CTNNA2: variants seen among roughly 807,000 people sequenced by gnomAD.
CTNNA2 encodes the protein catenin alpha 2, also known as catenin alpha-2.
In CTNNA2, 42 loss-of-function variants were observed where a neutral mutation model predicts 101.0. That is an observed-to-expected ratio of 0.42 (90% confidence interval 0.32 to 0.54). The LOEUF (loss-of-function observed/expected upper bound fraction) is 0.54. Ranked by LOEUF, CTNNA2 falls within the 20% of genes least tolerant of loss-of-function variation. The probability of loss-of-function intolerance (pLI) is 0.14; values close to 1 mark genes in which losing one functional copy is unlikely to be tolerated. For missense variants in CTNNA2, 871 were observed against 1,223.1 expected (o/e 0.71, Z 4.29); for synonymous variants, 450 against 456.4 (o/e 0.99, Z 0.18).
At position 80,007,846 on chromosome 2, in the gene CTNNA2, G is replaced by T. The variant is rs547209879; in HGVS notation, c.1056+98049G>T. Among the ~76,000 whole-genome samples, 3 of 152,188 alleles carry T rather than the reference G, an allele frequency of 2.0e-5. No homozygotes were observed. In the South Asian group the frequency reaches 6.2e-4, roughly 32 times the overall value. ...TTGGAGGAGGTGAGGACAGTGAGAG[G>T]ACCACTACTCTGCAGGTCAGGCCAT... On this transcript the variant is annotated intron_variant, in intron 7 of 18. Transcript: ENST00000402739.
intron 4 of CTNNA2, among the ~76,000 whole-genome samples, chr2:79,467,186 C>A (rs950151258): frequency 6.6e-6 from 1 of 152,156 alleles, no homozygotes; most frequent in Non-Finnish European, 1.5e-5. Flanking sequence ...CCTTAAAAGA[C>A]CTGATGGAGC....
At chr2:80,329,376 G>C (rs1156816611) in intron 7 of CTNNA2, among the ~76,000 whole-genome samples, 1 of 152,202 alleles carries the variant, frequency 6.6e-6, no homozygotes, top group Non-Finnish European at 1.5e-5. Context: ...GTGTGGTAAA[G>C]ACTGAGAGGA....
At chr2:79,793,842 A>C (rs1573984300) in intron 3 of CTNNA2, among the ~76,000 whole-genome samples, 1 of 150,508 alleles carries the variant, frequency 6.6e-6, no homozygotes, top group Admixed American at 6.7e-5. Flanking sequence ...TTTTCTTTTC[A>C]TTTCTTTTTC....
Position 80,551,011 on chromosome 2 carries a change from A to G in CTNNA2, c.1541-4682A>G, listed in dbSNP as rs375123987. Among the ~76,000 whole-genome samples, 33 of 152,296 alleles carry G rather than the reference A, an allele frequency of 2.2e-4. No homozygotes were observed. The East Asian group carries it at 6.0e-3, about 28-fold the overall frequency. On this transcript the variant is annotated intron_variant, in intron 11 of 18. Coordinates refer to ENST00000402739, the MANE Select transcript of CTNNA2 (RefSeq NM_001282597.3). ...TTAAAAAGTGAATTTTCTAAATAATAAGACTTGAAAGTCAAAATGACTCCT... is the reference window on the plus strand; with the variant it reads ...TTAAAAAGTGAATTTTCTAAATAATGAGACTTGAAAGTCAAAATGACTCCT...
At chr2:79,800,330 C>A (rs895859057) in intron 3 of CTNNA2, among the ~76,000 whole-genome samples, 1 of 152,142 alleles carries the variant, frequency 6.6e-6, no homozygotes, top group Non-Finnish European at 1.5e-5. Flanking sequence ...TTTCTAAACT[C>A]CAGGCAAATG....
intron 9 of CTNNA2, among the ~76,000 whole-genome samples, chr2:80,491,773 T>A (rs940417097): frequency 2.0e-5 from 3 of 152,226 alleles, no homozygotes; most frequent in Non-Finnish European, 4.4e-5. Context: ...TGACACATTG[T>A]CATCTTAGAG....
rs539059103 is a variant in CTNNA2, at chr2:80,559,163, A to G, written c.1741+3270A>G. ...ACTGAGCATTACTGCCCTAAAGTAA[A>G]GAAATAACCCAAAATAGGGACAAGT... On this transcript the variant is annotated intron_variant, in intron 12 of 18. Transcript: ENST00000402739. 5.9e-5 allele frequency among the ~76,000 whole-genome samples: 9 copies of G among 152,346 alleles called. No individual in the cohort carries two copies. In the South Asian group the frequency reaches 1.2e-3, roughly 21 times the overall value.
chr2:79,915,087 T>C (rs1262630101), intron 7 of CTNNA2, among the ~76,000 whole-genome samples: 7 of 151,920 alleles, frequency 4.6e-5, no homozygotes, highest in Non-Finnish European at 8.8e-5. Context: ...CAACACTAGA[T>C]GAGTAATACA....
At chr2:79,298,665 C>T (rs2104388327) in intron 2 of CTNNA2, among the ~76,000 whole-genome samples, 1 of 152,254 alleles carries the variant, frequency 6.6e-6, no homozygotes, top group South Asian at 2.1e-4. Flanking sequence ...CTCTTTTATA[C>T]CCAAAGGTCC....
At chr2:79,637,188 A>AT in intron 1 of CTNNA2, among the ~76,000 whole-genome samples, 1 of 152,056 alleles carries the variant, frequency 6.6e-6, no homozygotes, top group Non-Finnish European at 1.5e-5. Flanking sequence ...GGATATATAT[A>AT]TTTTTTATTT....
intron 7 of CTNNA2, among the ~76,000 whole-genome samples, chr2:80,287,427 T>G (rs906793750): frequency 6.6e-6 from 1 of 152,180 alleles, no homozygotes; most frequent in Non-Finnish European, 1.5e-5. Context: ...TTCATTCCAT[T>G]GCAAATAACA....
At chr2:80,268,536 A>C (rs1218274321) in intron 7 of CTNNA2, among the ~76,000 whole-genome samples, 1 of 152,168 alleles carries the variant, frequency 6.6e-6, no homozygotes, top group Non-Finnish European at 1.5e-5. Context: ...ATGACAAGAA[A>C]ACTGAGACCA....
chr2:79,189,734 C>T (rs902488086), intron 1 of CTNNA2, among the ~76,000 whole-genome samples: 5 of 152,192 alleles, frequency 3.3e-5, no homozygotes, highest in African/African-American at 7.2e-5. Flanking sequence ...TTTTCTCCCA[C>T]GGATATTGGG....
At chr2:79,682,728 T>C (rs1264538567) in intron 2 of CTNNA2, among the ~76,000 whole-genome samples, 1 of 152,208 alleles carries the variant, frequency 6.6e-6, no homozygotes, top group East Asian at 1.9e-4. Flanking sequence ...GTTTGTGCTT[T>C]GGTATTTTTT....
chr2:80,629,793 C>T (rs1157576970), intron 18 of CTNNA2, among the ~76,000 whole-genome samples: 1 of 152,164 alleles, frequency 6.6e-6, no homozygotes, highest in Non-Finnish European at 1.5e-5. Context: ...TAGTGATAAT[C>T]ACAAACATCT....
In CTNNA2 at chr2:80,012,667, G is replaced by T. The variant is rs116403969; in HGVS notation, c.1056+102870G>T. Among the ~76,000 whole-genome samples, 558 of 152,234 alleles carry T rather than the reference G, an allele frequency of 3.7e-3. 5 individuals carry two copies. The highest frequency in any genetic ancestry group is 0.013 in the African/African-American group (520 of 41,530). On this transcript the variant is annotated intron_variant, in intron 7 of 18. Transcript: ENST00000402739. ...AAAACATTATTTTTGAAGTCAAATG[G>T]CAGGCTGGATTTGGCCCGTGGGTTT...
chr2:80,363,473 G>A (rs1164483785), intron 7 of CTNNA2, among the ~76,000 whole-genome samples: 1 of 152,070 alleles, frequency 6.6e-6, no homozygotes, highest in Non-Finnish European at 1.5e-5. Flanking sequence ...TAAATGCTCT[G>A]GTGACTGAAA....
At chr2:79,989,691 T>G (rs1692031352) in intron 7 of CTNNA2, among the ~76,000 whole-genome samples, 1 of 152,130 alleles carries the variant, frequency 6.6e-6, no homozygotes, top group African/African-American at 2.4e-5. Context: ...GACTAAGATA[T>G]GCATGCATCT....
chr2:79,379,207 C>T (rs1308501551), intron 4 of CTNNA2, among the ~76,000 whole-genome samples: 1 of 152,162 alleles, frequency 6.6e-6, no homozygotes. Context: ...ATCATAGATC[C>T]TACTGCACAT....
Sources: gnomAD v4.1 joint callset for allele counts (sites outside exome capture counted in the v4.1 genomes callset) on GRCh38, gnomAD v4.1.1 for gene constraint, MANE v1.5 for transcripts, NCBI Gene and HGNC (gene_info 2026-07-23, HGNC 2026-07-21) for gene names.